RPS6KA5: variants seen among roughly 807,000 people sequenced by gnomAD.
The protein encoded by RPS6KA5 is ribosomal protein S6 kinase A5.
Under a neutral mutation model 85.5 loss-of-function variants are expected in RPS6KA5, and 27 were observed. The ratio of observed to expected loss-of-function variants is 0.32; its 90% confidence interval spans 0.23 to 0.44. The LOEUF (loss-of-function observed/expected upper bound fraction) is 0.44, where lower values mean the gene tolerates loss of function less well. Ranked by LOEUF, RPS6KA5 falls within the 20% of genes least tolerant of loss-of-function variation. The probability of loss-of-function intolerance (pLI) is 1.00; values close to 1 mark genes in which losing one functional copy is unlikely to be tolerated. For synonymous variants in RPS6KA5, 334 were observed against 348.2 expected, an observed-to-expected ratio of 0.96 and a Z score of 0.46; for missense variants, 811 against 980.9, an observed-to-expected ratio of 0.83 and a Z score of 2.31.
At chr14:90,885,015 G>C (rs2034096770) in intron 14 of RPS6KA5, among the ~76,000 whole-genome samples, 1 of 152,140 alleles carries the variant, frequency 6.6e-6, no homozygotes, top group African/African-American at 2.4e-5. Flanking sequence ...AACTTTGGGA[G>C]GCTGAGATGG....
At chr14:91,028,821 T>G (rs1202423487) in intron 1 of RPS6KA5, among the ~76,000 whole-genome samples, 2 of 152,204 alleles carry the variant, frequency 1.3e-5, no homozygotes, top group African/African-American at 4.8e-5. Context: ...CCCAGCCTAT[T>G]TTTAATAAAG....
intron 2 of RPS6KA5, among the ~76,000 whole-genome samples, chr14:90,987,772 C>T (rs1006952113): frequency 1.3e-5 from 2 of 152,126 alleles, no homozygotes; most frequent in Non-Finnish European, 1.5e-5. Flanking sequence ...AAAGAGGACA[C>T]CAGGGACCAA....
At chr14:90,895,226 G>A (rs976602818) in intron 12 of RPS6KA5, among the ~76,000 whole-genome samples, 2 of 152,020 alleles carry the variant, frequency 1.3e-5, no homozygotes, top group Non-Finnish European at 2.9e-5. Flanking sequence ...GGGTAATGAG[G>A]CTGGGCTCAG....
intron 1 of RPS6KA5, among the ~76,000 whole-genome samples, chr14:91,022,550 G>A (rs953357411): frequency 1.4e-4 from 22 of 152,050 alleles, no homozygotes; most frequent in African/African-American, 5.3e-4. Flanking sequence ...TAAGAATTCA[G>A]GTCCTACCTC....
chr14:91,053,110 AT>A (rs1566912931), intron 1 of RPS6KA5, among the ~76,000 whole-genome samples: 1 of 152,338 alleles, frequency 6.6e-6, no homozygotes, highest in East Asian at 1.9e-4. Flanking sequence ...AACAAAAAAA[AT>A]GGTCATCTTA....
chr14:90,883,027 A>G (rs2033960017), intron 14 of RPS6KA5, among the ~76,000 whole-genome samples: 1 of 152,074 alleles, frequency 6.6e-6, no homozygotes, highest in South Asian at 2.1e-4. Context: ...TGAACTCCTG[A>G]CCTCAAGTGA....
intron 1 of RPS6KA5, among the ~76,000 whole-genome samples, chr14:91,029,132 C>G (rs887017952): frequency 6.6e-5 from 10 of 152,106 alleles, no homozygotes; most frequent in Non-Finnish European, 1.5e-4. Context: ...ATAAAGACAA[C>G]GAACCACAGA....
chr14:90,876,902 T>C (rs1170048042), intron 14 of RPS6KA5, among the ~76,000 whole-genome samples: 2 of 152,184 alleles, frequency 1.3e-5, no homozygotes, highest in Non-Finnish European at 2.9e-5. Flanking sequence ...TTCTGACAAG[T>C]AGGCTTGTCC....
chr14:90,886,343 T>G (rs891552762), intron 14 of RPS6KA5, among the ~76,000 whole-genome samples: 1 of 152,144 alleles, frequency 6.6e-6, no homozygotes, highest in African/African-American at 2.4e-5. Context: ...TTCACAGGTA[T>G]GTTATATATC....
chr14:91,039,359 A>G (rs2042519117), intron 1 of RPS6KA5, among the ~76,000 whole-genome samples: 1 of 152,196 alleles, frequency 6.6e-6, no homozygotes, highest in African/African-American at 2.4e-5. Flanking sequence ...AGGTAATCCC[A>G]ATCAGAAGTG....
intron 9 of RPS6KA5, among the ~76,000 whole-genome samples, chr14:90,902,181 C>A (rs1055564260): frequency 9.1e-5 from 13 of 142,112 alleles, no homozygotes; most frequent in Admixed American, 7.4e-4. Context: ...GACCTTGTTT[C>A]TTAAAAAAAA....
At position 90,851,947 on chromosome 14, in the gene RPS6KA5, C is replaced by T. The variant is rs2032013876; in HGVS notation, c.*20127G>A. 6.6e-6 allele frequency: 1 copy of T among 151,422 alleles called. No homozygotes were observed. Among genetic ancestry groups the T allele is most frequent in the Non-Finnish European group, 1.5e-5 (1 of 67,854 alleles). The allele number at this position is 151,422 out of a possible 1,614,324, so 9.4% of individuals were successfully genotyped here. A position where few individuals can be genotyped will look rare whatever the true frequency, so the allele number is the denominator to read the frequency against. On this transcript the variant is annotated 3_prime_UTR_variant, in exon 17 of 17. Transcript: ENST00000614987. ...AATCATCTCACAGCGTTTATTTGAA[C>T]AAAAAAGACAGAATTTAATATATTC...
At chr14:90,883,301 T>C (rs192695803) in intron 14 of RPS6KA5, among the ~76,000 whole-genome samples, 1 of 152,316 alleles carries the variant, frequency 6.6e-6, no homozygotes, top group African/African-American at 2.4e-5. Context: ...CTATGGTTCC[T>C]TAGGCTCTGT....
At chr14:90,998,007 G>GAAAAAAAA (rs58227226) in intron 2 of RPS6KA5, among the ~76,000 whole-genome samples, 2 of 59,900 alleles carry the variant, frequency 3.3e-5, no homozygotes, top group Non-Finnish European at 3.0e-5. Context: ...GACTCTGTCT[G>GAAAAAAAA]AAAAAAAAAA....
At chr14:90,873,447 T>G (rs1566673425) in intron 16 of RPS6KA5, among the ~76,000 whole-genome samples, 185 bp downstream of exon 16, 1 of 152,244 alleles carries the variant, frequency 6.6e-6, no homozygotes, top group Non-Finnish European at 1.5e-5. Flanking sequence ...TCTGGTCCCC[T>G]GTGCACTTAT....
intron 1 of RPS6KA5, among the ~76,000 whole-genome samples, chr14:91,008,164 G>C (rs1209375314): frequency 6.6e-6 from 1 of 152,200 alleles, no homozygotes; most frequent in East Asian, 1.9e-4. Flanking sequence ...AAATGTAATT[G>C]CACAGAGCAT....
chr14:90,964,788 AC>A (rs748525056), intron 3 of RPS6KA5, among the ~76,000 whole-genome samples: 9 of 151,614 alleles, frequency 5.9e-5, no homozygotes, highest in Non-Finnish European at 1.0e-4. Context: ...GGTGGTGTGC[AC>A]CTATAGTCCC....
chr14:90,921,337 C>T (rs541025806), intron 6 of RPS6KA5, among the ~76,000 whole-genome samples: 15 of 152,188 alleles, frequency 9.9e-5, no homozygotes, highest in Non-Finnish European at 1.9e-4. Context: ...ACTTTGCATA[C>T]ATTATATCAT....
intron 2 of RPS6KA5, among the ~76,000 whole-genome samples, chr14:90,982,361 C>T (rs774612773): frequency 2.6e-5 from 4 of 151,706 alleles, no homozygotes; most frequent in Non-Finnish European, 5.9e-5. Context: ...CTTTGGGGGT[C>T]TGAGATAGAA....
Sources: allele counts gnomAD v4.1 joint callset (sites outside exome capture counted in the v4.1 genomes callset), GRCh38; gene constraint gnomAD v4.1.1; transcripts MANE v1.5; gene names NCBI Gene and HGNC (gene_info 2026-07-23, HGNC 2026-07-21).